LINGO2: variants seen among roughly 807,000 people sequenced by gnomAD.
The protein encoded by LINGO2 is leucine rich repeat and Ig domain containing 2.
A neutral mutation model predicts 30.6 loss-of-function variants in LINGO2; 14 were observed. The observed-to-expected ratio is 0.46, with a 90% CI of 0.30 to 0.72. The LOEUF is 0.72. Ranked by LOEUF, LINGO2 falls within the 30% of genes least tolerant of loss-of-function variation. LINGO2 has a pLI of 0.07. For missense variants in LINGO2, 729 were observed against 751.7 expected (o/e 0.97, Z 0.35); for synonymous variants, 317 against 288.5 (o/e 1.10, Z -1.00).
the LINGO2 span, among the ~76,000 whole-genome samples, chr9:29,166,153 G>A: frequency 5.9e-5 from 9 of 152,036 alleles, no homozygotes; most frequent in East Asian, 3.9e-4. Context: ...GCAAGTAGAC[G>A]TTTAGAATAA....
At chr9:28,365,753 C>G (rs1040172514) in intron 3 of LINGO2, among the ~76,000 whole-genome samples, 1 of 139,014 alleles carries the variant, frequency 7.2e-6, no homozygotes, top group Non-Finnish European at 1.5e-5. Context: ...TACAAAGGAA[C>G]CTTTGGATCC....
chr9:28,489,577 C>T (rs1173512447), intron 1 of LINGO2, among the ~76,000 whole-genome samples: 9 of 152,024 alleles, frequency 5.9e-5, no homozygotes, highest in East Asian at 3.9e-4. Flanking sequence ...TTTCTAAGTC[C>T]GTTAGCCACC....
intron 1 of LINGO2, among the ~76,000 whole-genome samples, chr9:28,639,459 C>A (rs1588006830): frequency 1.3e-5 from 2 of 149,668 alleles, no homozygotes; most frequent in East Asian, 3.9e-4. Context: ...GAGTCTAAGT[C>A]TCTTTGTAGG....
At chr9:28,562,494 G>C in intron 1 of LINGO2, among the ~76,000 whole-genome samples, 1 of 135,762 alleles carries the variant, frequency 7.4e-6, no homozygotes, top group East Asian at 2.3e-4. Context: ...ACAAAAAATT[G>C]GTCCCCATTA....
chr9:28,732,226 C>CTAT, the LINGO2 span, among the ~76,000 whole-genome samples: 1 of 151,972 alleles, frequency 6.6e-6, no homozygotes, highest in South Asian at 2.1e-4. Flanking sequence ...TCTGCAGACC[C>CTAT]TATTTAAACG....
intron 1 of LINGO2, among the ~76,000 whole-genome samples, chr9:28,562,046 G>A (rs969049804): frequency 1.4e-4 from 21 of 151,564 alleles, no homozygotes; most frequent in South Asian, 8.3e-4. Flanking sequence ...AACTCCTCTG[G>A]TACCTTATCA....
At chr9:28,548,130 G>A (rs887181303) in intron 1 of LINGO2, among the ~76,000 whole-genome samples, 8 of 152,074 alleles carry the variant, frequency 5.3e-5, no homozygotes, top group African/African-American at 1.7e-4. Flanking sequence ...TTAAGGAACC[G>A]TAATAAGCCT....
At chr9:28,687,441 A>G in the LINGO2 span, among the ~76,000 whole-genome samples, 1 of 152,160 alleles carries the variant, frequency 6.6e-6, no homozygotes, top group Non-Finnish European at 1.5e-5. Context: ...CATTCTTAAA[A>G]TGTCAAAGGC....
intron 3 of LINGO2, among the ~76,000 whole-genome samples, chr9:28,297,340 A>C (rs2134192476): frequency 6.6e-6 from 1 of 152,312 alleles, no homozygotes; most frequent in East Asian, 1.9e-4. Flanking sequence ...TTTTCCACTA[A>C]CTTTTGTTCA....
chr9:28,202,382 G>C (rs1820268530), intron 4 of LINGO2, among the ~76,000 whole-genome samples: 1 of 151,912 alleles, frequency 6.6e-6, no homozygotes, highest in African/African-American at 2.4e-5. Context: ...TGATGCAGAG[G>C]GCCATCAGCT....
chr9:28,103,963 C>A (rs978176521), intron 4 of LINGO2, among the ~76,000 whole-genome samples: 3 of 152,016 alleles, frequency 2.0e-5, no homozygotes, highest in Admixed American at 2.0e-4. Context: ...AATTACTTTT[C>A]CTTTGATTGC....
At chr9:28,176,624 C>T (rs1178482452) in intron 4 of LINGO2, among the ~76,000 whole-genome samples, 1 of 152,132 alleles carries the variant, frequency 6.6e-6, no homozygotes, top group Non-Finnish European at 1.5e-5. Context: ...TATATTCTTT[C>T]ACCTAATCTT....
chr9:28,967,156 T>C, the LINGO2 span, among the ~76,000 whole-genome samples: 1 of 152,156 alleles, frequency 6.6e-6, no homozygotes, highest in Non-Finnish European at 1.5e-5. Context: ...CCCCTAGAGC[T>C]GAGTCCTACT....
chr9:28,991,025 G>C, the LINGO2 span, among the ~76,000 whole-genome samples: 1 of 152,224 alleles, frequency 6.6e-6, no homozygotes, highest in African/African-American at 2.4e-5. Flanking sequence ...GAATGACTTT[G>C]ATGAGTTGAG....
the LINGO2 span, among the ~76,000 whole-genome samples, chr9:28,797,953 C>T: frequency 6.6e-6 from 1 of 151,910 alleles, no homozygotes; most frequent in African/African-American, 2.4e-5. Flanking sequence ...GAATATGTAC[C>T]TTAGAAGCTC....
At chr9:28,275,093 G>C (rs1035914397) in intron 4 of LINGO2, among the ~76,000 whole-genome samples, 2 of 152,038 alleles carry the variant, frequency 1.3e-5, no homozygotes, top group Non-Finnish European at 2.9e-5. Flanking sequence ...TTTTGGGACA[G>C]AGTCTCACTC....
the LINGO2 span, among the ~76,000 whole-genome samples, chr9:29,012,871 G>C: frequency 1.3e-5 from 2 of 152,210 alleles, no homozygotes; most frequent in Admixed American, 1.3e-4. Context: ...TGATCCACTA[G>C]AAACCACCTG....
the LINGO2 span, among the ~76,000 whole-genome samples, chr9:29,198,189 C>T: frequency 1.6e-3 from 246 of 152,180 alleles, no homozygotes; most frequent in African/African-American, 5.7e-3. Context: ...TAAAAGGAGG[C>T]ATTTTCTGTG....
chr9:28,346,707 G>T (rs766651821), intron 3 of LINGO2, among the ~76,000 whole-genome samples: 23 of 151,680 alleles, frequency 1.5e-4, no homozygotes, highest in Non-Finnish European at 2.2e-4. Context: ...TGTTATTTTT[G>T]ATTTTTTAAT....
Sources: gnomAD v4.1 joint callset for allele counts (sites outside exome capture counted in the v4.1 genomes callset) on GRCh38, gnomAD v4.1.1 for gene constraint, MANE v1.5 for transcripts, NCBI Gene and HGNC (gene_info 2026-07-23, HGNC 2026-07-21) for gene names.